The following BMAL1 variants were observed in gnomAD, a reference collection of about 807,000 sequenced individuals.
The protein encoded by BMAL1 is basic helix-loop-helix ARNT-like protein 1.
the BMAL1 span, among the ~76,000 whole-genome samples, chr11:13,298,249 T>C: frequency 1.3e-5 from 2 of 152,188 alleles, no homozygotes; most frequent in African/African-American, 4.8e-5. Context: ...CACAGTGGAA[T>C]CCGTGTTGTT....
the BMAL1 span, among the ~76,000 whole-genome samples, chr11:13,290,371 A>G: frequency 3.2e-4 from 49 of 152,208 alleles, no homozygotes; most frequent in Non-Finnish European, 5.9e-5. Flanking sequence ...GTCAGAATCT[A>G]GCCAGCTGGC....
chr11:13,288,296 A>G, the BMAL1 span, among the ~76,000 whole-genome samples: 1 of 152,076 alleles, frequency 6.6e-6, no homozygotes, highest in African/African-American at 2.4e-5. Context: ...ATCCAGGCTT[A>G]AAATAAGGCC....
chr11:13,286,109 G>A, the BMAL1 span, among the ~76,000 whole-genome samples: 2 of 152,176 alleles, frequency 1.3e-5, no homozygotes, highest in Admixed American at 6.5e-5. Flanking sequence ...GTAGTTTCTA[G>A]GCGAGCCCTC....
At chr11:13,372,275 C>T in the BMAL1 span, 1 of 1,614,076 alleles carries the variant, frequency 6.2e-7, no homozygotes, top group Non-Finnish European at 8.5e-7. Flanking sequence ...GGTGTAACCT[C>T]AGCTGCCTCG....
the BMAL1 span, among the ~76,000 whole-genome samples, chr11:13,341,976 G>A: frequency 6.6e-6 from 1 of 152,250 alleles, no homozygotes; most frequent in African/African-American, 2.4e-5. Flanking sequence ...AGGGCAGGAG[G>A]GGTGTGGCAG....
At chr11:13,307,081 A>C in the BMAL1 span, among the ~76,000 whole-genome samples, 195 of 152,306 alleles carry the variant, frequency 1.3e-3, 1 homozygote, top group Non-Finnish European at 2.5e-4. Flanking sequence ...GTTCTAATCT[A>C]GGCCGGATCG....
chr11:13,332,962 CTTTTTTTT>C, the BMAL1 span, among the ~76,000 whole-genome samples: 1 of 141,138 alleles, frequency 7.1e-6, no homozygotes, highest in African/African-American at 2.6e-5. Flanking sequence ...TCGATACTGT[CTTTTTTTT>C]TTTTTTTTCT....
the BMAL1 span, among the ~76,000 whole-genome samples, chr11:13,306,516 C>G: frequency 2.0e-5 from 3 of 152,316 alleles, no homozygotes; most frequent in South Asian, 4.1e-4. Context: ...CATTGTAGAG[C>G]AGATCTGGAA....
At chr11:13,297,109 T>G in the BMAL1 span, among the ~76,000 whole-genome samples, 1 of 152,186 alleles carries the variant, frequency 6.6e-6, no homozygotes, top group Non-Finnish European at 1.5e-5. Context: ...GCAATTTTAT[T>G]AAAAAAATAA....
At chr11:13,348,763 A>G in the BMAL1 span, among the ~76,000 whole-genome samples, 1 of 152,206 alleles carries the variant, frequency 6.6e-6, no homozygotes, top group Non-Finnish European at 1.5e-5. Context: ...ACAGAATCGG[A>G]CAGTGAGCGT....
At chr11:13,284,897 T>C in the BMAL1 span, among the ~76,000 whole-genome samples, 3 of 152,130 alleles carry the variant, frequency 2.0e-5, no homozygotes, top group Non-Finnish European at 4.4e-5. Flanking sequence ...TCCCCAGCCC[T>C]GCTTCCCCGC....
chr11:13,310,302 C>T, the BMAL1 span, among the ~76,000 whole-genome samples: 33 of 151,908 alleles, frequency 2.2e-4, no homozygotes, highest in Non-Finnish European at 4.3e-4. Context: ...ATGGATGCAG[C>T]GGGCCTTATG....
the BMAL1 span, among the ~76,000 whole-genome samples, chr11:13,367,706 GAAAAAA>G: frequency 4.6e-5 from 4 of 86,208 alleles, no homozygotes; most frequent in African/African-American, 1.9e-4. Flanking sequence ...CTCTGTCTCA[GAAAAAA>G]AAAAAAAAAA....
chr11:13,311,863 G>C, the BMAL1 span, among the ~76,000 whole-genome samples: 1 of 152,214 alleles, frequency 6.6e-6, no homozygotes. Context: ...TGTTGGGGAA[G>C]TAGTTGCATT....
chr11:13,296,880 C>T, the BMAL1 span, among the ~76,000 whole-genome samples: 2 of 152,164 alleles, frequency 1.3e-5, no homozygotes, highest in Non-Finnish European at 2.9e-5. Context: ...TCCCATCTTG[C>T]GCTCGTGGCT....
the BMAL1 span, among the ~76,000 whole-genome samples, chr11:13,314,099 A>C: frequency 6.6e-6 from 1 of 151,842 alleles, no homozygotes; most frequent in Non-Finnish European, 1.5e-5. Flanking sequence ...GCACCTCTCC[A>C]TGACCTGGAA....
the BMAL1 span, chr11:13,355,047 T>TA: frequency 2.0e-6 from 1 of 507,330 alleles, no homozygotes. Flanking sequence ...ATCCCTTCTA[T>TA]ATATGTACAA....
At chr11:13,321,273 T>C in the BMAL1 span, among the ~76,000 whole-genome samples, 123 of 152,284 alleles carry the variant, frequency 8.1e-4, 1 homozygote, top group African/African-American at 2.5e-3. Flanking sequence ...ATAAGTTCTT[T>C]TGGGTTGCCC....
chr11:13,376,468 A>T, the BMAL1 span: 1 of 702,028 alleles, frequency 1.4e-6, no homozygotes, highest in African/African-American at 1.7e-5. Context: ...AAAGGCCAGG[A>T]TGCTATCCAT....
Sources: gnomAD v4.1 joint callset for allele counts (sites outside exome capture counted in the v4.1 genomes callset) on GRCh38, gnomAD v4.1.1 for gene constraint, MANE v1.5 for transcripts, NCBI Gene and HGNC (gene_info 2026-07-23, HGNC 2026-07-21) for gene names.